Variants in PCDHA7 observed in about 807,000 individuals in gnomAD.
PCDHA7 encodes the protein protocadherin alpha 7.
A neutral mutation model predicts 57.2 loss-of-function variants in PCDHA7; 37 were observed. The observed-to-expected ratio is 0.65, with a 90% CI of 0.50 to 0.85. The LOEUF is 0.85. Among genes scored for constraint, PCDHA7 ranks in the 40% least tolerant of loss-of-function variants. The pLI, the probability that PCDHA7 is intolerant of heterozygous loss-of-function variation, is 0.00. For synonymous variants in PCDHA7, 553 were observed against 558.8 expected, an observed-to-expected ratio of 0.99 and a Z score of 0.15; for missense variants, 1,188 against 1,241.8, an observed-to-expected ratio of 0.96 and a Z score of 0.65.
chr5:140,929,163 G>T lies in PCDHA7; in HGVS notation c.2356-49786G>T, dbSNP rs142058597. On this transcript the variant is annotated intron_variant, in intron 1 of 3. Coordinates refer to ENST00000525929, the MANE Select transcript of PCDHA7 (RefSeq NM_018910.3). ...GACTTTCTCAGACTTATCTCTATCG[G>T]GCCTCTCTGGGACTTGGTTCTGATA... 2.4e-4 allele frequency: 385 copies of T among 1,614,058 alleles called. 2 individuals carry two copies. In the African/African-American group the frequency reaches 4.5e-3, roughly 19 times the overall value.
chr5:140,926,890 A>ACCCTCCCT (rs782687521), intron 1 of PCDHA7: 1 of 1,543,756 alleles, frequency 6.5e-7, no homozygotes, highest in Non-Finnish European at 8.7e-7. Context: ...GCCTAGAGGG[A>ACCCTCCCT]GGATGGTGGG....
At chr5:140,906,713 G>A (rs1554192665) in intron 1 of PCDHA7, among the ~76,000 whole-genome samples, 1 of 152,160 alleles carries the variant, frequency 6.6e-6, no homozygotes, top group Non-Finnish European at 1.5e-5. Flanking sequence ...AGTCCTGCCT[G>A]GATTGTGCTG....
chr5:140,857,262 C>A (rs969366268), intron 1 of PCDHA7: 1 of 1,598,710 alleles, frequency 6.3e-7, no homozygotes, highest in Non-Finnish European at 8.6e-7. Context: ...AATTACTACT[C>A]ATTGGTGCTG....
intron 1 of PCDHA7, chr5:140,882,334 A>G: frequency 1.2e-6 from 2 of 1,614,176 alleles, no homozygotes; most frequent in Non-Finnish European, 1.7e-6. Flanking sequence ...TGATCCTCGC[A>G]GCCTGGGAGA....
chr5:140,944,463 A>C (rs2093660880), intron 1 of PCDHA7, among the ~76,000 whole-genome samples: 1 of 152,198 alleles, frequency 6.6e-6, no homozygotes, highest in Admixed American at 6.5e-5. Flanking sequence ...CTGGGATTAC[A>C]GGTATGAGGC....
intron 1 of PCDHA7, among the ~76,000 whole-genome samples, chr5:140,909,254 G>A (rs915513119): frequency 6.6e-6 from 1 of 152,334 alleles, no homozygotes; most frequent in East Asian, 1.9e-4. Context: ...TGCTGGCCTT[G>A]CTGACTGAAG....
chr5:140,979,619 G>A (rs1344525241), intron 2 of PCDHA7, among the ~76,000 whole-genome samples: 1 of 152,164 alleles, frequency 6.6e-6, no homozygotes, highest in African/African-American at 2.4e-5. Context: ...AACGGTATTA[G>A]TCTAAGACTC....
At position 140,854,641 on chromosome 5, in the gene PCDHA7, C is replaced by T. The variant is rs1258483318; in HGVS notation, c.2355+17903C>T. The T allele has an allele frequency of 1.3e-5, 2 of 149,894 alleles. 1 individual carries two copies. Among genetic ancestry groups the T allele is most frequent in the Non-Finnish European group, 3.0e-5 (2 of 67,066 alleles). The allele number at this position is 149,894 out of a possible 1,614,324, so 9.3% of individuals were successfully genotyped here. A position where few individuals can be genotyped will look rare whatever the true frequency, so the allele number is the denominator to read the frequency against. ...ATATTCTTTAGAAAAGTCAAAACAT[C>T]ATTAAATAAAATAAATTAACCCTTG... is the stretch of plus-strand genomic sequence containing the variant. On this transcript the variant is annotated intron_variant, in intron 1 of 3. Transcript: ENST00000525929.
At chr5:140,866,876 T>A (rs1554160645) in intron 1 of PCDHA7, 2 of 152,134 alleles carry the variant, frequency 1.3e-5, no homozygotes, top group African/African-American at 4.8e-5. Context: ...CTTCTTGGTA[T>A]TAGCCTATAC....
At chr5:140,841,733 CA>C in intron 1 of PCDHA7, 1 of 1,613,850 alleles carries the variant, frequency 6.2e-7, no homozygotes, top group Non-Finnish European at 8.5e-7. Flanking sequence ...GGTAAAAGAC[CA>C]AAAGCTGTTT....
intron 1 of PCDHA7, chr5:140,869,814 C>A: frequency 2.5e-6 from 4 of 1,612,258 alleles, no homozygotes; most frequent in Non-Finnish European, 3.4e-6. Flanking sequence ...ATGTCAACGA[C>A]AATGATCCAG....
intron 1 of PCDHA7, chr5:140,850,885 G>C: frequency 1.3e-6 from 2 of 1,582,746 alleles, no homozygotes; most frequent in South Asian, 1.1e-5. Flanking sequence ...GATTCAACTG[G>C]GAAGGTGGGT....
chr5:140,882,735 G>C, intron 1 of PCDHA7: 1 of 1,614,216 alleles, frequency 6.2e-7, no homozygotes, highest in Non-Finnish European at 8.5e-7. Flanking sequence ...CCACTAGATG[G>C]CGCATCCGAT....
chr5:140,909,070 C>T (rs2074299054), intron 1 of PCDHA7, among the ~76,000 whole-genome samples: 1 of 152,146 alleles, frequency 6.6e-6, no homozygotes, highest in Non-Finnish European at 1.5e-5. Flanking sequence ...CACCAATAAG[C>T]CCAGTGTGTT....
At chr5:140,863,858 G>A (rs2048210654) in intron 1 of PCDHA7, 1 of 177,150 alleles carries the variant, frequency 5.6e-6, no homozygotes, top group Non-Finnish European at 1.2e-5. Flanking sequence ...AAAATTAGCT[G>A]GGTGTGGTGG....
intron 1 of PCDHA7, chr5:140,875,830 G>A (rs782702520): frequency 4.6e-5 from 75 of 1,614,104 alleles, no homozygotes; most frequent in East Asian, 8.9e-5. Flanking sequence ...TTTCCATGTG[G>A]ACGTGGAGGT....
intron 1 of PCDHA7, among the ~76,000 whole-genome samples, chr5:140,846,373 C>CTTTTTTTTTT (rs374699051): frequency 3.6e-5 from 2 of 55,152 alleles, no homozygotes; most frequent in South Asian, 1.0e-3. Flanking sequence ...TTCTTTCTTT[C>CTTTTTTTTTT]TTTTTTTTTT....
In PCDHA7 at chr5:140,968,959, C is replaced by T. The variant is rs782079520; in HGVS notation, c.2356-9990C>T. ...TCATCATTTTGAGCATCATCAAGTG[C>T]TACCGCTACACTGCGTATGGCACTG... On this transcript the variant is annotated intron_variant, in intron 1 of 3. Transcript: ENST00000525929. The T allele has an allele frequency of 1.5e-5, 25 of 1,614,182 alleles. 1 individual carries two copies. In the Middle Eastern group the frequency reaches 1.8e-3, roughly 117 times the overall value.
At chr5:140,847,318 A>G (rs1054415960) in intron 1 of PCDHA7, 1 of 149,914 alleles carries the variant, frequency 6.7e-6, no homozygotes, top group Admixed American at 6.7e-5. Context: ...CAAGGACAGA[A>G]GCAATTGTTA....
Sources: allele counts gnomAD v4.1 joint callset (sites outside exome capture counted in the v4.1 genomes callset), GRCh38; gene constraint gnomAD v4.1.1; transcripts MANE v1.5; gene names NCBI Gene and HGNC (gene_info 2026-07-23, HGNC 2026-07-21).